The following LDLRAD3 variants were observed in gnomAD, a reference collection of about 807,000 sequenced individuals.
LDLRAD3 encodes low density lipoprotein receptor class A domain containing 3.
LDLRAD3 carries 20 observed loss-of-function variants against 29.4 expected under a neutral mutation model. The observed-to-expected ratio is 0.68, with a 90% CI of 0.48 to 0.99. LDLRAD3 has a LOEUF of 0.99. Ranked by LOEUF, LDLRAD3 falls within the 50% of genes least tolerant of loss-of-function variation. The pLI is 0.00. For synonymous variants in LDLRAD3, 157 were observed against 192.7 expected (o/e 0.81, Z 1.53); for missense variants, 420 against 454.3 (o/e 0.92, Z 0.69).
intron 1 of LDLRAD3, chr11:35,967,599 G>T: frequency 2.2e-6 from 1 of 450,908 alleles, no homozygotes; most frequent in Non-Finnish European, 4.3e-6. Flanking sequence ...TGGGCAGAGA[G>T]AAACTAATCA....
intron 4 of LDLRAD3, among the ~76,000 whole-genome samples, chr11:36,114,634 A>T (rs1055462422): frequency 6.6e-6 from 1 of 152,176 alleles, no homozygotes; most frequent in Admixed American, 6.5e-5. Context: ...TGTCCTCATT[A>T]GCTAATTTGT....
intron 1 of LDLRAD3, among the ~76,000 whole-genome samples, chr11:35,953,501 T>G (rs1386500512): frequency 1.3e-5 from 2 of 152,332 alleles, no homozygotes; most frequent in African/African-American, 4.8e-5. Context: ...GAGTTTGGCT[T>G]AGCGAATGTC....
chr11:36,083,735 TACACACACACACACACACACAC>T (rs59333454), intron 3 of LDLRAD3, among the ~76,000 whole-genome samples: 1 of 126,790 alleles, frequency 7.9e-6, no homozygotes, highest in Non-Finnish European at 1.7e-5. Flanking sequence ...AGGGAGAAAT[TACACACACACACACACACACAC>T]ACACACACAC....
intron 2 of LDLRAD3, among the ~76,000 whole-genome samples, chr11:36,048,197 A>G (rs1045468461): frequency 6.6e-5 from 10 of 152,184 alleles, no homozygotes; most frequent in African/African-American, 2.4e-4. Flanking sequence ...GTTCTGTTTC[A>G]GAAATACTGT....
At chr11:36,161,629 A>G (rs1224285621) in intron 4 of LDLRAD3, among the ~76,000 whole-genome samples, 1 of 151,994 alleles carries the variant, frequency 6.6e-6, no homozygotes, top group Non-Finnish European at 1.5e-5. Flanking sequence ...TCAGAGGCCA[A>G]CTCCACTTCA....
intron 4 of LDLRAD3, chr11:36,197,746 A>T (rs950550748): frequency 2.6e-5 from 4 of 152,224 alleles, no homozygotes; most frequent in Non-Finnish European, 2.9e-5. Context: ...AGGGAGGCAT[A>T]CACTGAATAA....
chr11:36,051,349 C>T (rs528491119), intron 2 of LDLRAD3, among the ~76,000 whole-genome samples: 5 of 152,242 alleles, frequency 3.3e-5, no homozygotes, highest in African/African-American at 4.8e-5. Context: ...AGAGCATTGG[C>T]GCCAAAGTGG....
intron 1 of LDLRAD3, among the ~76,000 whole-genome samples, chr11:35,990,737 T>C (rs1211833543): frequency 6.6e-6 from 1 of 152,164 alleles, no homozygotes; most frequent in Non-Finnish European, 1.5e-5. Flanking sequence ...CTTCACATGG[T>C]ATTCTTCCCT....
intron 1 of LDLRAD3, among the ~76,000 whole-genome samples, chr11:36,031,353 AG>A (rs774494030): frequency 1.3e-5 from 2 of 152,172 alleles, no homozygotes; most frequent in African/African-American, 2.4e-5. Flanking sequence ...CAGACTGGGT[AG>A]TAATTTACTT....
chr11:36,106,945 T>C (rs1853537659), intron 4 of LDLRAD3, among the ~76,000 whole-genome samples: 1 of 152,166 alleles, frequency 6.6e-6, no homozygotes, highest in Non-Finnish European at 1.5e-5. Context: ...GAGATCTTCC[T>C]GGAGAAGAAT....
chr11:35,985,469 G>GA (rs2133161448), intron 1 of LDLRAD3, among the ~76,000 whole-genome samples: 1 of 152,224 alleles, frequency 6.6e-6, no homozygotes, highest in South Asian at 2.1e-4. Flanking sequence ...CTCTGCCCTG[G>GA]AGCCTTTTAG....
At chr11:35,980,651 C>G (rs1851529348) in intron 1 of LDLRAD3, among the ~76,000 whole-genome samples, 1 of 152,130 alleles carries the variant, frequency 6.6e-6, no homozygotes, top group Non-Finnish European at 1.5e-5. Context: ...TCACTCCCTG[C>G]CCAACCCAGC....
chr11:36,225,942 C>T (rs1855492639), intron 4 of LDLRAD3, among the ~76,000 whole-genome samples: 1 of 152,046 alleles, frequency 6.6e-6, no homozygotes, highest in Non-Finnish European at 1.5e-5. Context: ...GTGGCACACA[C>T]CTGTAGTCCC....
chr11:36,158,605 C>T (rs1470787932), intron 4 of LDLRAD3, among the ~76,000 whole-genome samples: 1 of 145,234 alleles, frequency 6.9e-6, no homozygotes, highest in East Asian at 2.1e-4. Context: ...TATATCTACT[C>T]TCTGTCTCTG....
chr11:36,057,706 G>A (rs10768174), intron 2 of LDLRAD3, among the ~76,000 whole-genome samples: 92,830 of 152,070 alleles, frequency 0.61, 28,477 homozygotes, highest in African/African-American at 0.67. Flanking sequence ...TGGATCGTCA[G>A]TTGCCTGGAA....
At chr11:35,973,435 G>A (rs192598411) in intron 1 of LDLRAD3, among the ~76,000 whole-genome samples, 1 of 152,102 alleles carries the variant, frequency 6.6e-6, no homozygotes, top group East Asian at 1.9e-4. Context: ...GAAGAGTCAA[G>A]GGTGTTTGTA....
At chr11:35,981,203 C>T (rs1350586863) in intron 1 of LDLRAD3, among the ~76,000 whole-genome samples, 1 of 18,130 alleles carries the variant, frequency 5.5e-5, no homozygotes, top group African/African-American at 2.1e-4. Flanking sequence ...CAGTGGGCAG[C>T]GGGCGGGGGT....
chr11:35,971,464 T>C (rs1284814625), intron 1 of LDLRAD3, among the ~76,000 whole-genome samples: 2 of 152,200 alleles, frequency 1.3e-5, no homozygotes, highest in Non-Finnish European at 2.9e-5. Context: ...CAGTTTGACC[T>C]ATGTCCTTGT....
In LDLRAD3 at chr11:36,130,266, G is replaced by T. The variant is rs562413125; in HGVS notation, c.454+31805G>T. Among the ~76,000 whole-genome samples the T allele has an allele frequency of 2.0e-5, 3 of 152,322 alleles. No homozygotes were observed. In the East Asian group the frequency reaches 5.8e-4, roughly 29 times the overall value. ...AAGGGTGATAAGACCCTGAAGAGAA[G>T]AGTCTTCCCGGTGGAGGGAGCAGCA... On this transcript the variant is annotated intron_variant, in intron 4 of 5. Coordinates refer to ENST00000315571, the MANE Select transcript of LDLRAD3 (RefSeq NM_174902.4).
Sources: gnomAD v4.1 joint callset for allele counts (sites outside exome capture counted in the v4.1 genomes callset) on GRCh38, gnomAD v4.1.1 for gene constraint, MANE v1.5 for transcripts, NCBI Gene and HGNC (gene_info 2026-07-23, HGNC 2026-07-21) for gene names.